The following CRABP1 variants were observed in gnomAD, a reference collection of about 807,000 sequenced individuals.
The protein encoded by CRABP1 is cellular retinoic acid binding protein 1.
A neutral mutation model predicts 16.4 loss-of-function variants in CRABP1; 9 were observed. The observed-to-expected ratio is 0.55, with a 90% CI of 0.33 to 0.96. CRABP1 has a LOEUF of 0.96. Among genes scored for constraint, CRABP1 ranks in the 40% least tolerant of loss-of-function variants. CRABP1 has a pLI of 0.03. For synonymous variants in CRABP1, 72 were observed against 70.4 expected (o/e 1.02, Z -0.11); for missense variants, 157 against 186.0 (o/e 0.84, Z 0.91).
chr15:78,343,478 T>C, intron 2 of CRABP1, 21 bp from the exon 3 acceptor site: 1 of 1,589,044 alleles, frequency 6.3e-7, no homozygotes, highest in East Asian at 2.2e-5. Flanking sequence ...TTAATGTCAC[T>C]AATGGTTTTC....
At chr15:78,345,430 C>G (rs1217106498) in intron 3 of CRABP1, among the ~76,000 whole-genome samples, 1 of 152,040 alleles carries the variant, frequency 6.6e-6, no homozygotes, top group Non-Finnish European at 1.5e-5. Context: ...ACTTGCTGGG[C>G]TTGGGGGAGC....
intron 2 of CRABP1, among the ~76,000 whole-genome samples, chr15:78,342,931 G>A: frequency 6.6e-6 from 1 of 152,058 alleles, no homozygotes; most frequent in Admixed American, 6.5e-5. Flanking sequence ...GACCAGCCTG[G>A]TGAAACCCCA....
chr15:78,344,678 C>CCAGCACTT (rs2050255485), intron 3 of CRABP1, among the ~76,000 whole-genome samples: 1 of 151,230 alleles, frequency 6.6e-6, no homozygotes, highest in South Asian at 2.1e-4. Context: ...ACCTGTAATC[C>CCAGCACTT]CAGCACTTTG....
In CRABP1 at chr15:78,341,191, G is replaced by T. The variant is rs749359930; in HGVS notation, c.219G>T (p.Glu73Asp). The change falls in exon 2 of 4, where the codon GAG (glutamate) becomes GAT (aspartate). Residue 73 changes from glutamate (E) to aspartate (D), a missense_variant. Physicochemically the swap from Glu to Asp is conservative, Grantham distance 45. Transcript: ENST00000299529. The surrounding 1 kb of genome is among the most constrained non-coding windows in gnomAD (Gnocchi z 5.3). ...ACTTCAAGGTCGGAGAAGGCTTTGA[G>T]GAGGAGACCGTGGACGGACGCAAGT... ...EINFKVGEGF[E>D]EETVDGRKCR... 6.2e-7 allele frequency: 1 copy of T among 1,612,274 alleles called. No individual in the cohort carries two copies.
intron 3 of CRABP1, among the ~76,000 whole-genome samples, chr15:78,344,597 A>G (rs2050255003): frequency 6.6e-6 from 1 of 152,130 alleles, no homozygotes; most frequent in Non-Finnish European, 1.5e-5. Flanking sequence ...GAACAAAGGA[A>G]GGCTGAGGGC....
At chr15:78,346,947 T>C (rs1276330038) in intron 3 of CRABP1, among the ~76,000 whole-genome samples, 1 of 152,056 alleles carries the variant, frequency 6.6e-6, no homozygotes, top group East Asian at 1.9e-4. Flanking sequence ...CATACTCACA[T>C]CAGGTTTACA....
Position 78,348,037 on chromosome 15 carries a change from A to G in CRABP1, c.*60A>G, listed in dbSNP as rs1166622202. 4 of 1,544,742 alleles carry G rather than the reference A, an allele frequency of 2.6e-6. No homozygotes were observed. The highest frequency in any genetic ancestry group is 2.7e-5 in the African/African-American group (2 of 73,006). On this transcript the variant is annotated 3_prime_UTR_variant, in exon 4 of 4. Transcript: ENST00000299529. Reference sequence around the variant, plus strand: ...TGCAGGCTCCCCTGAGGAATATGTCATAGTTCTGAGCTGCCAGTGGACCGC... The same window carrying G: ...TGCAGGCTCCCCTGAGGAATATGTCGTAGTTCTGAGCTGCCAGTGGACCGC...
rs527547307 is a variant in CRABP1, at chr15:78,344,934, A to C, written c.363+1322A>C. On this transcript the variant is annotated intron_variant, in intron 3 of 3. Transcript: ENST00000299529. ...CCTGTCTCAAAATTAAAAACAAAAA[A>C]AAAAACAAAAAAACTAATTAAGGGT... Among the ~76,000 whole-genome samples, 396 of 142,102 alleles carry C rather than the reference A, an allele frequency of 2.8e-3. 3 individuals carry two copies. The highest frequency in any genetic ancestry group is 0.018 in the South Asian group (86 of 4,796). The allele number at this position is 142,102 out of a possible 152,430, so 93.2% of individuals were successfully genotyped here.
chr15:78,341,424 C>T lies in CRABP1; in HGVS notation c.249+203C>T, dbSNP rs562464689. The T allele has an allele frequency of 3.2e-6, 2 of 623,248 alleles. No individual in the cohort carries two copies. The highest frequency in any genetic ancestry group is 2.9e-6 in the Non-Finnish European group (1 of 343,718). The allele number at this position is 623,248 out of a possible 1,614,324, so 38.6% of individuals were successfully genotyped here. A position where few individuals can be genotyped will look rare whatever the true frequency, so the allele number is the denominator to read the frequency against. On this transcript the variant is annotated intron_variant, in intron 2 of 3. Coordinates refer to ENST00000299529, the MANE Select transcript of CRABP1 (RefSeq NM_004378.3). This position sits in a 1 kb window ranked among gnomAD's most constrained non-coding sequence, Gnocchi z 5.3. ...AAGTATTACCTTCATTCCATCTCAA[C>T]CCCATCCCTACGCTGCCTCCCGGGG...
intron 3 of CRABP1, among the ~76,000 whole-genome samples, chr15:78,346,370 G>A (rs557863125): frequency 2.6e-5 from 4 of 152,254 alleles, no homozygotes; most frequent in Non-Finnish European, 5.9e-5. Context: ...GAGATCCCTA[G>A]CATGAAAAGC....
intron 3 of CRABP1, among the ~76,000 whole-genome samples, chr15:78,346,646 G>A (rs2050267186): frequency 6.6e-6 from 1 of 152,194 alleles, no homozygotes; most frequent in Admixed American, 6.5e-5. Flanking sequence ...TCCAGCCTGG[G>A]TGACAGAGTA....
In CRABP1 at chr15:78,340,470, G is replaced by T. The variant is rs1166124037; in HGVS notation, c.42G>T (p.Glu14Asp). Residue 14 changes from glutamate (E) to aspartate (D), a missense_variant, in exon 1 of 4, where the codon GAG (glutamate) becomes GAT (aspartate). Transcript: ENST00000299529. Reference protein sequence around the residue: ...FAGTWKMRSSENFDELLKALG... With the variant: ...FAGTWKMRSSDNFDELLKALG... ...GCACCTGGAAGATGCGCAGCAGCGA[G>T]AATTTCGACGAGCTGCTCAAGGCAC... 7 of 1,607,734 alleles carry T rather than the reference G, an allele frequency of 4.4e-6. No homozygotes were observed. In the African/African-American group the frequency reaches 8.0e-5, roughly 18 times the overall value.
At chr15:78,347,888 A>G (rs1429717378) in intron 3 of CRABP1, 39 bp from the exon 4 acceptor site, 2 of 1,608,680 alleles carry the variant, frequency 1.2e-6, no homozygotes, top group South Asian at 1.1e-5. Context: ...TTGCACAGGC[A>G]TCTGCACTGA....
In CRABP1 at chr15:78,348,189, G is replaced by A. The variant is rs558527009; in HGVS notation, c.*212G>A. ...GTGCTCCATAGTTTGGCATTTGCAC[G>A]GTTTCGAAGTCATTAAACTGGTTAG... On this transcript the variant is annotated 3_prime_UTR_variant, in exon 4 of 4. Coordinates refer to ENST00000299529, the MANE Select transcript of CRABP1 (RefSeq NM_004378.3). The A allele has an allele frequency of 5.4e-5, 31 of 576,816 alleles. No homozygotes were observed. Among genetic ancestry groups the A allele is most frequent in the Admixed American group, 1.3e-4 (4 of 31,910 alleles). 35.7% of individuals were successfully genotyped at this position (576,816 alleles called of 1,614,324 possible).
intron 2 of CRABP1, among the ~76,000 whole-genome samples, chr15:78,342,975 C>T (rs932027271): frequency 3.9e-5 from 6 of 151,952 alleles, no homozygotes; most frequent in African/African-American, 9.7e-5. Flanking sequence ...ATTAGCTGGG[C>T]GTGGTGGCAG....
In CRABP1 at chr15:78,348,101, C is replaced by T. The variant is rs2050277427; in HGVS notation, c.*124C>T. 2.2e-6 allele frequency: 2 copies of T among 922,704 alleles called. No homozygotes were observed. Among genetic ancestry groups the T allele is most frequent in the Non-Finnish European group, 3.4e-6 (2 of 591,536 alleles). The allele number at this position is 922,704 out of a possible 1,614,324, so 57.2% of individuals were successfully genotyped here. A position where few individuals can be genotyped will look rare whatever the true frequency, so the allele number is the denominator to read the frequency against. The stretch of plus-strand genomic sequence containing the variant: ...CAATATTAGGTGATCCCGTTTTCCC[C>T]ATGACAATGTTGTAGTGTCCCCCAC... On this transcript the variant is annotated 3_prime_UTR_variant, in exon 4 of 4. Coordinates refer to ENST00000299529, the MANE Select transcript of CRABP1 (RefSeq NM_004378.3).
chr15:78,347,811 ATGTC>A, intron 3 of CRABP1, 112 bp from the exon 4 acceptor site: 2 of 931,910 alleles, frequency 2.1e-6, no homozygotes, highest in Non-Finnish European at 3.5e-6. Flanking sequence ...AGGAAATTGA[ATGTC>A]TGTTACAAAG....
intron 3 of CRABP1, among the ~76,000 whole-genome samples, chr15:78,344,232 G>T (rs117986181): frequency 6.6e-6 from 1 of 152,106 alleles, no homozygotes; most frequent in Admixed American, 6.6e-5. Flanking sequence ...GGGCCAAAGC[G>T]GGTGGATCAC....
intron 3 of CRABP1, among the ~76,000 whole-genome samples, chr15:78,344,495 C>A (rs1232407138): frequency 2.0e-5 from 3 of 151,932 alleles, no homozygotes; most frequent in Non-Finnish European, 4.4e-5. Context: ...ATTTTAAACA[C>A]CTGCTCCTAG....
Sources: allele counts gnomAD v4.1 joint callset (sites outside exome capture counted in the v4.1 genomes callset), GRCh38; gene constraint gnomAD v4.1.1; non-coding constraint Gnocchi (gnomAD v3.1); transcripts MANE v1.5; gene names NCBI Gene and HGNC (gene_info 2026-07-23, HGNC 2026-07-21).